PIBF1: variants seen among roughly 807,000 people sequenced by gnomAD.
PIBF1 encodes progesterone immunomodulatory binding factor 1.
A neutral mutation model predicts 112.5 loss-of-function variants in PIBF1; 90 were observed. The observed-to-expected ratio is 0.80, with a 90% CI of 0.67 to 0.95. The LOEUF (loss-of-function observed/expected upper bound fraction) is 0.95. Ranked by LOEUF, PIBF1 falls within the 40% of genes least tolerant of loss-of-function variation. The pLI is 0.00. For synonymous variants in PIBF1, 301 were observed against 288.6 expected (o/e 1.04, Z -0.44); for missense variants, 915 against 852.3 (o/e 1.07, Z -0.92).
chr13:72,831,225 T>A (rs1168394661), intron 8 of PIBF1, among the ~76,000 whole-genome samples: 3 of 152,144 alleles, frequency 2.0e-5, no homozygotes, highest in African/African-American at 7.2e-5. Context: ...GCTCCTGGAT[T>A]CATTGATTTT....
chr13:72,947,358 C>T (rs1258942517), intron 14 of PIBF1, among the ~76,000 whole-genome samples: 1 of 152,186 alleles, frequency 6.6e-6, no homozygotes, highest in African/African-American at 2.4e-5. Flanking sequence ...CAGGGGGGCC[C>T]TGGGCCTGGC....
At chr13:73,002,901 T>A (rs2043915357) in intron 17 of PIBF1, among the ~76,000 whole-genome samples, 1 of 141,376 alleles carries the variant, frequency 7.1e-6, no homozygotes, top group Non-Finnish European at 1.5e-5. Context: ...GGAGAATCAC[T>A]TGGACCTGGG....
At chr13:72,793,180 T>C (rs2035023652) in intron 3 of PIBF1, among the ~76,000 whole-genome samples, 1 of 152,202 alleles carries the variant, frequency 6.6e-6, no homozygotes, top group Non-Finnish European at 1.5e-5. Flanking sequence ...AAATCATACA[T>C]GATGATTTAC....
chr13:72,975,563 T>C lies in PIBF1; in HGVS notation c.2049+1888T>C, dbSNP rs114851950. ...GATTGTCTGTATCTGAGAAATGGCA[T>C]TGGAGTGAGTTCTCTTAAAGGTGTC... On this transcript the variant is annotated intron_variant, in intron 16 of 17. Transcript: ENST00000326291. Among the ~76,000 whole-genome samples the C allele has an allele frequency of 7.9e-3, 1,206 of 152,232 alleles. 18 individuals are homozygous for C. The highest frequency in any genetic ancestry group is 0.028 in the African/African-American group (1,160 of 41,542).
intron 17 of PIBF1, among the ~76,000 whole-genome samples, chr13:73,010,307 TAA>T (rs2044157374): frequency 6.6e-6 from 1 of 151,364 alleles, no homozygotes; most frequent in African/African-American, 2.4e-5. Flanking sequence ...ACCTGCAATT[TAA>T]AGAACAATGG....
rs935477841 is a variant in PIBF1 at position 72,927,856 on chromosome 13, T to C, written c.1731-3309T>C. On this transcript the variant is annotated intron_variant, in intron 13 of 17. Transcript: ENST00000326291. Reference sequence around the variant, plus strand: ...GATTTTATATTATCTTTTGTTCTTTTCTGTGTATGTGTGTTTGTACTACAT... The same window carrying C: ...GATTTTATATTATCTTTTGTTCTTTCCTGTGTATGTGTGTTTGTACTACAT... 2.7e-5 allele frequency among the ~76,000 whole-genome samples: 4 copies of C among 149,308 alleles called. No homozygotes were observed. In the East Asian group the frequency reaches 7.8e-4, roughly 29 times the overall value.
chr13:73,005,218 A>G (rs1481906303), intron 17 of PIBF1, among the ~76,000 whole-genome samples: 1 of 151,806 alleles, frequency 6.6e-6, no homozygotes. Context: ...CTTATGTTAT[A>G]TGTATTTTAC....
intron 9 of PIBF1, among the ~76,000 whole-genome samples, chr13:72,853,835 T>C (rs1168927657): frequency 6.6e-6 from 1 of 152,136 alleles, no homozygotes. Flanking sequence ...CTTTGACCCA[T>C]GCGGAGAAGG....
Position 72,846,993 on chromosome 13 carries a change from A to G in PIBF1, c.1224-7064A>G, listed in dbSNP as rs79729679. Among the ~76,000 whole-genome samples the G allele has an allele frequency of 8.5e-3, 1,296 of 152,290 alleles. 64 individuals are homozygous for G. Among genetic ancestry groups the G allele is most frequent in the East Asian group, 9.5e-3 (49 of 5,182 alleles). On this transcript the variant is annotated intron_variant, in intron 9 of 17. Transcript: ENST00000326291. ...GTTGGTTTAGATGAAAACCTACTCA[A>G]AGGTTTATAATGGATTTGATCAGGA...
intron 5 of PIBF1, among the ~76,000 whole-genome samples, chr13:72,808,386 A>C (rs146324783): frequency 6.6e-6 from 1 of 152,210 alleles, no homozygotes; most frequent in Non-Finnish European, 1.5e-5. Context: ...AATGGGTCAC[A>C]TGTTCCTCTT....
At chr13:72,973,320 G>T (rs2138942072) in intron 15 of PIBF1, among the ~76,000 whole-genome samples, 1 of 148,124 alleles carries the variant, frequency 6.8e-6, no homozygotes, top group Admixed American at 6.8e-5. Context: ...AGAGGAGAGG[G>T]AAGAAAGAAA....
chr13:72,966,235 CT>C (rs1353513836), intron 15 of PIBF1, among the ~76,000 whole-genome samples: 5 of 152,046 alleles, frequency 3.3e-5, no homozygotes, highest in Non-Finnish European at 7.4e-5. Flanking sequence ...AAATATAAAC[CT>C]ATTGGTAACT....
At chr13:72,988,283 A>G (rs961012966) in intron 16 of PIBF1, among the ~76,000 whole-genome samples, 4 of 152,132 alleles carry the variant, frequency 2.6e-5, no homozygotes, top group African/African-American at 7.2e-5. Context: ...GGTACATTGT[A>G]GATACTCAGT....
chr13:72,983,772 T>C lies in PIBF1; in HGVS notation c.2049+10097T>C, dbSNP rs533149663. On this transcript the variant is annotated intron_variant, in intron 16 of 17. Coordinates refer to ENST00000326291, the MANE Select transcript of PIBF1 (RefSeq NM_006346.4). Reference sequence around the variant, plus strand: ...TGTGTGTCACTCTTTCGGTTCATACTTAACTGTTTTGAAATTTTCTTAAGA... The same window carrying C: ...TGTGTGTCACTCTTTCGGTTCATACCTAACTGTTTTGAAATTTTCTTAAGA... Among the ~76,000 whole-genome samples, 3 of 152,320 alleles carry C rather than the reference T, an allele frequency of 2.0e-5. No individual in the cohort carries two copies. In the East Asian group the frequency reaches 5.8e-4, roughly 29 times the overall value.
chr13:72,856,214 A>G (rs2038414540), intron 10 of PIBF1, among the ~76,000 whole-genome samples: 1 of 152,178 alleles, frequency 6.6e-6, no homozygotes, highest in Non-Finnish European at 1.5e-5. Context: ...CCTTCCTATG[A>G]TAACTACTAT....
At chr13:72,853,970 C>T in intron 9 of PIBF1, 87 bp from the exon 10 acceptor site, 1 of 1,042,152 alleles carries the variant, frequency 9.6e-7, no homozygotes, top group East Asian at 2.5e-5. Context: ...CAGATGGGTC[C>T]TTAAGATTGT....
At chr13:72,851,531 T>A (rs2038155691) in intron 9 of PIBF1, among the ~76,000 whole-genome samples, 2 of 152,344 alleles carry the variant, frequency 1.3e-5, no homozygotes, top group Non-Finnish European at 2.9e-5. Flanking sequence ...GGTGCAGGCC[T>A]GCAGGTGCCC....
intron 9 of PIBF1, among the ~76,000 whole-genome samples, 196 bp from the exon 10 acceptor site, chr13:72,853,861 G>A (rs1159873846): frequency 6.6e-6 from 1 of 152,144 alleles, no homozygotes; most frequent in Non-Finnish European, 1.5e-5. Flanking sequence ...GTGACATAGA[G>A]ATAGACCATA....
At chr13:72,828,326 T>C (rs998547245) in intron 8 of PIBF1, among the ~76,000 whole-genome samples, 37 of 151,770 alleles carry the variant, frequency 2.4e-4, no homozygotes, top group African/African-American at 9.0e-4. Flanking sequence ...GTGCAGAATA[T>C]GCAGTTTTGT....
Sources: gnomAD v4.1 joint callset for allele counts (sites outside exome capture counted in the v4.1 genomes callset) on GRCh38, gnomAD v4.1.1 for gene constraint, MANE v1.5 for transcripts, NCBI Gene and HGNC (gene_info 2026-07-23, HGNC 2026-07-21) for gene names.